Variants in CSMD2 observed in about 807,000 individuals in gnomAD.
The protein encoded by CSMD2 is CUB and Sushi multiple domains 2.
CSMD2 carries 130 observed loss-of-function variants against 398.5 expected under a neutral mutation model. That is an observed-to-expected ratio of 0.33 (90% CI 0.28 to 0.38). The LOEUF (loss-of-function observed/expected upper bound fraction) is 0.38, where lower values mean the gene tolerates loss of function less well. CSMD2 is among the 10% of genes least tolerant of loss of function. CSMD2 has a pLI of 1.00. For missense variants in CSMD2, 3,829 were observed against 4,764.9 expected, an observed-to-expected ratio of 0.80 and a Z score of 5.78; for synonymous variants, 1,828 against 1,908.5, an observed-to-expected ratio of 0.96 and a Z score of 1.10.
chr1:34,024,561 A>G (rs1438719195), intron 3 of CSMD2, among the ~76,000 whole-genome samples: 3 of 152,218 alleles, frequency 2.0e-5, no homozygotes, highest in Non-Finnish European at 4.4e-5. Context: ...CTCAAATGTC[A>G]CGTCTCTATG....
intron 3 of CSMD2, among the ~76,000 whole-genome samples, chr1:34,012,960 GC>G (rs1647565915): frequency 6.6e-6 from 1 of 152,156 alleles, no homozygotes; most frequent in African/African-American, 2.4e-5. Context: ...GTTCCCATCT[GC>G]AATGGGCCAG....
intron 1 of CSMD2, among the ~76,000 whole-genome samples, chr1:34,095,796 A>C (rs1215451372): frequency 3.3e-5 from 5 of 151,034 alleles, no homozygotes; most frequent in African/African-American, 1.2e-4. Context: ...AGAGTCCAGG[A>C]CCAGATGGAT....
intron 10 of CSMD2, among the ~76,000 whole-genome samples, chr1:33,802,673 A>T (rs914934038): frequency 1.3e-5 from 2 of 152,146 alleles, no homozygotes; most frequent in African/African-American, 4.8e-5. Flanking sequence ...TGTCCCTCTT[A>T]CACTCCCACA....
chr1:33,577,601 C>T, intron 48 of CSMD2, 117 bp from the exon 49 acceptor site: 4 of 837,064 alleles, frequency 4.8e-6, no homozygotes, highest in Non-Finnish European at 5.3e-6. Context: ...GCCACTGCCA[C>T]ATCCTCTGCT....
intron 29 of CSMD2, among the ~76,000 whole-genome samples, chr1:33,643,973 A>G (rs1427130699): frequency 6.6e-6 from 1 of 152,154 alleles, no homozygotes; most frequent in East Asian, 1.9e-4. Flanking sequence ...GGCTTCCAAC[A>G]GGCACCCCCT....
intron 3 of CSMD2, among the ~76,000 whole-genome samples, chr1:34,022,304 T>C (rs897381920): frequency 3.9e-5 from 6 of 152,022 alleles, no homozygotes. Context: ...TCCCATGGAG[T>C]AGGGTTTATT....
At chr1:33,957,172 C>A (rs914232910) in intron 3 of CSMD2, among the ~76,000 whole-genome samples, 1 of 152,054 alleles carries the variant, frequency 6.6e-6, no homozygotes, top group African/African-American at 2.4e-5. Flanking sequence ...GGCTGTCTTT[C>A]CCCCCTTTGT....
intron 3 of CSMD2, among the ~76,000 whole-genome samples, chr1:33,986,409 C>T (rs1646361399): frequency 6.6e-6 from 1 of 152,128 alleles, no homozygotes. Context: ...CCTCACATTG[C>T]CCCTAGAAGG....
chr1:33,600,082 T>C (rs1207432869), intron 44 of CSMD2: 2 of 679,552 alleles, frequency 2.9e-6, no homozygotes, highest in Non-Finnish European at 5.4e-6. Context: ...CTCACAGAAT[T>C]CTTACAGGTC....
intron 1 of CSMD2, among the ~76,000 whole-genome samples, chr1:34,123,818 C>G (rs867604764): frequency 2.0e-5 from 3 of 150,946 alleles, no homozygotes; most frequent in Admixed American, 2.0e-4. Flanking sequence ...GAAAAAAAAA[C>G]AACAACATGG....
intron 1 of CSMD2, among the ~76,000 whole-genome samples, chr1:34,108,308 T>C (rs553554721): frequency 6.6e-6 from 1 of 152,066 alleles, no homozygotes; most frequent in Non-Finnish European, 1.5e-5. Context: ...AACCCTAACA[T>C]AGTGCCATGG....
chr1:33,606,271 G>A (rs1338312523), intron 41 of CSMD2, among the ~76,000 whole-genome samples: 1 of 152,242 alleles, frequency 6.6e-6, no homozygotes, highest in Non-Finnish European at 1.5e-5. Flanking sequence ...GCAGCGGGAG[G>A]AGACAGAACG....
chr1:33,641,868 C>G (rs995533313), intron 29 of CSMD2, among the ~76,000 whole-genome samples: 25 of 152,160 alleles, frequency 1.6e-4, no homozygotes, highest in Non-Finnish European at 3.2e-4. Context: ...GTAAGAAGGT[C>G]TGGCATATGG....
intron 5 of CSMD2, among the ~76,000 whole-genome samples, chr1:33,880,903 T>C (rs1322812841): frequency 6.6e-6 from 1 of 152,200 alleles, no homozygotes; most frequent in African/African-American, 2.4e-5. Context: ...AATAAGAATA[T>C]GATTTTCCCC....
At chr1:33,978,984 G>C (rs1558192148) in intron 3 of CSMD2, among the ~76,000 whole-genome samples, 1 of 152,142 alleles carries the variant, frequency 6.6e-6, no homozygotes, top group Non-Finnish European at 1.5e-5. Flanking sequence ...ACATCACATA[G>C]TCAATAAGAA....
intron 25 of CSMD2, among the ~76,000 whole-genome samples, chr1:33,665,291 A>C (rs572595781): frequency 2.9e-4 from 44 of 152,174 alleles, no homozygotes; most frequent in African/African-American, 1.0e-3. Context: ...TTTTGGTAAG[A>C]AGTGATTAAT....
intron 60 of CSMD2, among the ~76,000 whole-genome samples, chr1:33,539,113 G>GC (rs1407325127): frequency 2.6e-5 from 4 of 152,020 alleles, no homozygotes; most frequent in Non-Finnish European, 5.9e-5. Context: ...GACTACAGGC[G>GC]CCCGCCACCA....
intron 1 of CSMD2, among the ~76,000 whole-genome samples, chr1:34,090,857 A>G (rs1165426107): frequency 6.6e-6 from 1 of 152,200 alleles, no homozygotes; most frequent in African/African-American, 2.4e-5. Flanking sequence ...ATTAAAGTAT[A>G]CAAGGCTTTC....
intron 2 of CSMD2, among the ~76,000 whole-genome samples, chr1:34,057,348 G>C (rs921291901): frequency 2.0e-5 from 3 of 152,212 alleles, no homozygotes; most frequent in African/African-American, 7.2e-5. Context: ...ATGGCTGGCA[G>C]GAAGCTTCCC....
Sources: allele counts gnomAD v4.1 joint callset (sites outside exome capture counted in the v4.1 genomes callset), GRCh38; gene constraint gnomAD v4.1.1; transcripts MANE v1.5; gene names NCBI Gene and HGNC (gene_info 2026-07-23, HGNC 2026-07-21).